FGF12: variants seen among roughly 807,000 people sequenced by gnomAD.
The protein encoded by FGF12 is fibroblast growth factor 12.
In FGF12, 14 loss-of-function variants were observed where a neutral mutation model predicts 23.6. That is an observed-to-expected ratio of 0.59 (90% CI 0.39 to 0.93). The LOEUF (loss-of-function observed/expected upper bound fraction) is 0.93. FGF12 is among the 40% of genes least tolerant of loss of function. The pLI is 0.00. For synonymous variants in FGF12, 62 were observed against 77.3 expected, an observed-to-expected ratio of 0.80 and a Z score of 1.04; for missense variants, 175 against 217.8, an observed-to-expected ratio of 0.80 and a Z score of 1.24.
At chr3:192,270,489 A>G (rs1037287764) in intron 4 of FGF12, among the ~76,000 whole-genome samples, 1 of 152,158 alleles carries the variant, frequency 6.6e-6, no homozygotes, top group South Asian at 2.1e-4. Context: ...CTAAGTTACT[A>G]TGAACCACAG....
chr3:192,280,879 G>A (rs1714102814), intron 4 of FGF12, among the ~76,000 whole-genome samples: 1 of 152,088 alleles, frequency 6.6e-6, no homozygotes, highest in African/African-American at 2.4e-5. Context: ...TCCACAGAAG[G>A]TCTGTCTTAA....
intron 2 of FGF12, among the ~76,000 whole-genome samples, chr3:192,652,168 CACATGTTACAAGTGGG>C (rs1315517170): frequency 6.6e-6 from 1 of 152,122 alleles, no homozygotes. Flanking sequence ...ATGCCATGGG[CACATGTTACAAGTGGG>C]ACATAAAGAT....
At chr3:192,641,803 T>A (rs1321289359) in intron 2 of FGF12, among the ~76,000 whole-genome samples, 1 of 152,246 alleles carries the variant, frequency 6.6e-6, no homozygotes, top group Admixed American at 6.5e-5. Context: ...AAAAGTGTTA[T>A]TGAAACACAG....
chr3:192,322,026 A>C (rs1252795253), intron 4 of FGF12, among the ~76,000 whole-genome samples: 1 of 152,088 alleles, frequency 6.6e-6, no homozygotes, highest in African/African-American at 2.4e-5. Context: ...AAGAAGTAAA[A>C]TTATCTTTGT....
At chr3:192,165,112 C>G (rs761434676) in intron 5 of FGF12, among the ~76,000 whole-genome samples, 1 of 151,940 alleles carries the variant, frequency 6.6e-6, no homozygotes, top group Admixed American at 6.6e-5. Flanking sequence ...TACCACCACA[C>G]CTGGCTAATT....
intron 4 of FGF12, among the ~76,000 whole-genome samples, chr3:192,277,903 C>G (rs1405688136): frequency 2.0e-5 from 3 of 152,218 alleles, no homozygotes; most frequent in African/African-American, 7.2e-5. Context: ...GCTGGGAATA[C>G]AGGCGCCTGC....
chr3:192,296,085 T>C (rs1395662187), intron 4 of FGF12, among the ~76,000 whole-genome samples: 1 of 123,308 alleles, frequency 8.1e-6, no homozygotes, highest in Non-Finnish European at 1.7e-5. Context: ...TTTTTTTTTT[T>C]TGTGGAGACA....
At chr3:192,356,200 A>G (rs1718464447) in intron 3 of FGF12, among the ~76,000 whole-genome samples, 1 of 152,204 alleles carries the variant, frequency 6.6e-6, no homozygotes, top group South Asian at 2.1e-4. Context: ...CTCCCACACC[A>G]AGGGGGTTTT....
At chr3:192,198,415 C>G (rs894468469) in intron 4 of FGF12, among the ~76,000 whole-genome samples, 2 of 151,770 alleles carry the variant, frequency 1.3e-5, no homozygotes, top group African/African-American at 4.8e-5. Context: ...ATAAAAACCA[C>G]TGAGCAAATG....
intron 4 of FGF12, among the ~76,000 whole-genome samples, chr3:192,226,550 A>ATG (rs1354523214): frequency 6.6e-6 from 1 of 152,140 alleles, no homozygotes; most frequent in African/African-American, 2.4e-5. Flanking sequence ...ACATACTGCT[A>ATG]TGGTCTGAAG....
At chr3:192,392,540 G>T (rs943790531) in intron 2 of FGF12, among the ~76,000 whole-genome samples, 1 of 150,094 alleles carries the variant, frequency 6.7e-6, no homozygotes, top group African/African-American at 2.4e-5. Context: ...AGGTTGCAGT[G>T]AACCAAGATT....
At chr3:192,554,791 G>GA (rs34936489) in intron 2 of FGF12, among the ~76,000 whole-genome samples, 96,883 of 148,106 alleles carry the variant, frequency 0.65, 31,423 homozygotes, top group Middle Eastern at 0.76. Context: ...ATGAGCTAAG[G>GA]AAAAAAAAAA....
chr3:192,179,069 C>T (rs1716019918), intron 4 of FGF12, among the ~76,000 whole-genome samples: 1 of 152,092 alleles, frequency 6.6e-6, no homozygotes, highest in African/African-American at 2.4e-5. Context: ...ACTCTGTTGT[C>T]ACGCATAATG....
intron 4 of FGF12, among the ~76,000 whole-genome samples, chr3:192,181,472 G>GAT: frequency 6.6e-6 from 1 of 151,858 alleles, no homozygotes. Context: ...TGTATCAGCA[G>GAT]ATAATGTAAT....
intron 2 of FGF12, among the ~76,000 whole-genome samples, chr3:192,371,769 T>C (rs1719243160): frequency 6.6e-6 from 1 of 152,136 alleles, no homozygotes; most frequent in Admixed American, 6.5e-5. Flanking sequence ...ATTAGGGAAC[T>C]GAGGCTTACA....
At chr3:192,676,169 C>T (rs1434465406) in intron 2 of FGF12, among the ~76,000 whole-genome samples, 1 of 152,164 alleles carries the variant, frequency 6.6e-6, no homozygotes, top group Non-Finnish European at 1.5e-5. Context: ...TTCTTCCTCC[C>T]CTCTTGCGAT....
intron 4 of FGF12, among the ~76,000 whole-genome samples, chr3:192,262,254 A>C (rs886218203): frequency 6.6e-6 from 1 of 152,120 alleles, no homozygotes; most frequent in Non-Finnish European, 1.5e-5. Flanking sequence ...GGAGGCATAA[A>C]CTTTGCTTTT....
In FGF12 at chr3:192,142,462, A is replaced by T. The variant is rs1474618231; in HGVS notation, c.*1547T>A. 8.1e-6 allele frequency: 1 copy of T among 123,600 alleles called. No homozygotes were observed. Among genetic ancestry groups the T allele is most frequent in the Non-Finnish European group, 1.9e-5 (1 of 52,196 alleles). The allele number at this position is 123,600 out of a possible 1,614,324, so 7.7% of individuals were successfully genotyped here. A position where few individuals can be genotyped will look rare whatever the true frequency, so the allele number is the denominator to read the frequency against. The stretch of plus-strand genomic sequence containing the variant: ...TGTCTTCTCATTGATAATATCCATA[A>T]ATCTGCATACATTTTTTAACATTCT... On this transcript the variant is annotated 3_prime_UTR_variant, in exon 6 of 6. Transcript: ENST00000445105.
At chr3:192,274,461 T>C (rs1713649078) in intron 4 of FGF12, among the ~76,000 whole-genome samples, 1 of 152,148 alleles carries the variant, frequency 6.6e-6, no homozygotes, top group Admixed American at 6.6e-5. Context: ...TGAGAGAAGA[T>C]ACATAGTAAT....
Sources: gnomAD v4.1 joint callset for allele counts (sites outside exome capture counted in the v4.1 genomes callset) on GRCh38, gnomAD v4.1.1 for gene constraint, MANE v1.5 for transcripts, NCBI Gene and HGNC (gene_info 2026-07-23, HGNC 2026-07-21) for gene names.